STAG1: variants seen among roughly 807,000 people sequenced by gnomAD.
STAG1 encodes STAG1 cohesin complex component.
STAG1 carries 26 observed loss-of-function variants against 170.9 expected under a neutral mutation model. The ratio of observed to expected loss-of-function variants is 0.15; its 90% confidence interval spans 0.11 to 0.21. The LOEUF (loss-of-function observed/expected upper bound fraction) is 0.21. Among genes scored for constraint, STAG1 ranks in the 10% least tolerant of loss-of-function variants. STAG1 has a pLI of 1.00. For synonymous variants in STAG1, 514 were observed against 497.7 expected (o/e 1.03, Z -0.44); for missense variants, 964 against 1,509.5 (o/e 0.64, Z 5.99).
At chr3:136,409,201 T>A (rs1450352541) in intron 21 of STAG1, among the ~76,000 whole-genome samples, 1 of 150,244 alleles carries the variant, frequency 6.7e-6, no homozygotes, top group African/African-American at 2.5e-5. Context: ...GAGGCGGAGG[T>A]TGCAGTGAGC....
chr3:136,450,314 G>A (rs1199401116), intron 14 of STAG1, among the ~76,000 whole-genome samples: 1 of 152,096 alleles, frequency 6.6e-6, no homozygotes, highest in East Asian at 1.9e-4. Flanking sequence ...TAGAGCTATT[G>A]AATAAGAACT....
At position 136,436,211 on chromosome 3, in the gene STAG1, C is replaced by T. The variant is rs1232279909; in HGVS notation, c.1547-2552G>A. On this transcript the variant is annotated intron_variant, in intron 15 of 33. Transcript: ENST00000383202. ...CCTCAAGTGATCCACCGGCCTCAGC[C>T]TCTCAAAGTGCTGAGATTCCAAGCA... Among the ~76,000 whole-genome samples the T allele has an allele frequency of 2.6e-5, 4 of 152,292 alleles. No individual in the cohort carries two copies. In the East Asian group the frequency reaches 5.8e-4, roughly 22 times the overall value.
chr3:136,736,616 C>T, intron 1 of STAG1: 1 of 1,597,292 alleles, frequency 6.3e-7, no homozygotes, highest in Non-Finnish European at 8.6e-7. Context: ...CTCGACTTTC[C>T]TCAAAGTTTT....
At chr3:136,447,065 A>G (rs1019108017) in intron 14 of STAG1, among the ~76,000 whole-genome samples, 1 of 151,826 alleles carries the variant, frequency 6.6e-6, no homozygotes, top group Non-Finnish European at 1.5e-5. Flanking sequence ...CGGCCTCCCA[A>G]AGTGTTGGGA....
rs189838850 is a variant in STAG1, at chr3:136,454,464, C to T, written c.1314-2317G>A. Among the ~76,000 whole-genome samples the T allele has an allele frequency of 2.5e-3, 373 of 152,148 alleles. 2 individuals carry two copies. The highest frequency in any genetic ancestry group is 0.011 in the Admixed American group (166 of 15,264). ...CATGATCTCTGCTTACTGCAACCTC[C>T]GCCTCCTGGGCTCAAGAGATTCTCC... is the stretch of plus-strand genomic sequence containing the variant. On this transcript the variant is annotated intron_variant, in intron 13 of 33. Coordinates refer to ENST00000383202, the MANE Select transcript of STAG1 (RefSeq NM_005862.3).
At chr3:136,561,228 T>G (rs1482615278) in intron 5 of STAG1, among the ~76,000 whole-genome samples, 1 of 152,212 alleles carries the variant, frequency 6.6e-6, no homozygotes, top group African/African-American at 2.4e-5. Context: ...ATCTTACAAA[T>G]TTTTTGTTTT....
chr3:136,660,832 A>G (rs1941553413), intron 1 of STAG1, among the ~76,000 whole-genome samples: 1 of 152,004 alleles, frequency 6.6e-6, no homozygotes, highest in African/African-American at 2.4e-5. Context: ...AGCCAGGTAT[A>G]GTGGTACACG....
intron 1 of STAG1, among the ~76,000 whole-genome samples, chr3:136,631,543 T>G (rs1005002262): frequency 6.6e-6 from 1 of 152,190 alleles, no homozygotes; most frequent in Admixed American, 6.5e-5. Flanking sequence ...AACCCTAATT[T>G]AAAGTAGCAA....
intron 1 of STAG1, among the ~76,000 whole-genome samples, chr3:136,682,078 T>C (rs1273534698): frequency 6.6e-6 from 1 of 151,724 alleles, no homozygotes; most frequent in Non-Finnish European, 1.5e-5. Context: ...AAAAAAGAAA[T>C]AAAACTATCT....
intron 1 of STAG1, among the ~76,000 whole-genome samples, chr3:136,644,074 C>T (rs1237603279): frequency 1.3e-5 from 2 of 152,218 alleles, no homozygotes; most frequent in South Asian, 2.1e-4. Context: ...CTGAAGGACA[C>T]AGTAAACCAC....
chr3:136,658,644 G>A (rs186385419), intron 1 of STAG1, among the ~76,000 whole-genome samples: 1 of 152,214 alleles, frequency 6.6e-6, no homozygotes, highest in African/African-American at 2.4e-5. Context: ...CTAACCAACT[G>A]AAGTTTTTAC....
chr3:136,632,335 A>C (rs768490778), intron 1 of STAG1, among the ~76,000 whole-genome samples: 4 of 152,198 alleles, frequency 2.6e-5, no homozygotes, highest in Non-Finnish European at 4.4e-5. Context: ...ACAAAGAAAG[A>C]AGCTGCAAAA....
intron 3 of STAG1, among the ~76,000 whole-genome samples, chr3:136,620,818 T>C (rs1221477877): frequency 2.0e-5 from 3 of 152,242 alleles, no homozygotes; most frequent in Admixed American, 1.3e-4. Flanking sequence ...AAATATGGCA[T>C]GAACATGCAC....
At chr3:136,515,725 A>T (rs1320256527) in intron 7 of STAG1, among the ~76,000 whole-genome samples, 1 of 152,146 alleles carries the variant, frequency 6.6e-6, no homozygotes, top group Non-Finnish European at 1.5e-5. Context: ...AAGTTAGAAA[A>T]TTTCAAGTTA....
intron 1 of STAG1, among the ~76,000 whole-genome samples, chr3:136,649,352 G>C (rs1306538796): frequency 2.6e-5 from 4 of 152,054 alleles, no homozygotes; most frequent in East Asian, 3.9e-4. Flanking sequence ...GGTGGCACGT[G>C]CCTGTAATCC....
intron 7 of STAG1, among the ~76,000 whole-genome samples, chr3:136,504,998 A>C (rs901209523): frequency 1.3e-5 from 2 of 152,248 alleles, no homozygotes; most frequent in African/African-American, 4.8e-5. Flanking sequence ...ACTGAGATAA[A>C]ATATTTTTAA....
chr3:136,355,305 T>C (rs552449876), intron 28 of STAG1, among the ~76,000 whole-genome samples: 16 of 138,128 alleles, frequency 1.2e-4, no homozygotes, highest in South Asian at 1.1e-3. Flanking sequence ...TGAGCCAAGA[T>C]TGTGTCACTG....
intron 4 of STAG1, among the ~76,000 whole-genome samples, chr3:136,588,029 T>TG (rs1377947207): frequency 6.6e-6 from 1 of 152,160 alleles, no homozygotes; most frequent in Non-Finnish European, 1.5e-5. Flanking sequence ...AGAGTAAAGA[T>TG]TAATCAAGTC....
rs960669301 is a variant in STAG1 at position 136,739,245 on chromosome 3, C to T, written c.-84+12950G>A. On this transcript the variant is annotated intron_variant, in intron 1 of 33. Transcript: ENST00000383202. ...CAAACACTACACACTGGGTGAGGCT[C>T]GGTGGCTCACAACTATAATCCCAGC... 6.6e-5 allele frequency among the ~76,000 whole-genome samples: 10 copies of T among 151,954 alleles called. 1 individual carries two copies. Among genetic ancestry groups the T allele is most frequent in the Non-Finnish European group, 1.5e-4 (10 of 68,006 alleles).
Sources: allele counts gnomAD v4.1 joint callset (sites outside exome capture counted in the v4.1 genomes callset), GRCh38; gene constraint gnomAD v4.1.1; transcripts MANE v1.5; gene names NCBI Gene and HGNC (gene_info 2026-07-23, HGNC 2026-07-21).